Variants in CNNM2 observed in about 807,000 individuals in gnomAD.
CNNM2 encodes cyclin and CBS domain divalent metal cation transport mediator 2, also known as metal transporter CNNM2.
In CNNM2, 12 loss-of-function variants were observed where a neutral mutation model predicts 66.9. That is an observed-to-expected ratio of 0.18 (90% confidence interval 0.11 to 0.29). CNNM2 has a LOEUF of 0.29. Ranked by LOEUF, CNNM2 falls within the 10% of genes least tolerant of loss-of-function variation. The pLI is 1.00. For missense variants in CNNM2, 705 were observed against 1,167.7 expected (o/e 0.60, Z 5.77); for synonymous variants, 557 against 501.8 (o/e 1.11, Z -1.47).
chr10:103,074,749 C>A (rs919950098), intron 6 of CNNM2, among the ~76,000 whole-genome samples: 7 of 152,006 alleles, frequency 4.6e-5, no homozygotes, highest in South Asian at 2.1e-4. Context: ...TAGGAGGATC[C>A]CCTGAGCCCA....
At position 103,089,876 on chromosome 10, in the gene CNNM2, G is replaced by A. The variant is rs932084884; in HGVS notation, c.*12696G>A. 11 of 1,612,186 alleles carry A rather than the reference G, an allele frequency of 6.8e-6. No individual in the cohort carries two copies. Among genetic ancestry groups the A allele is most frequent in the Middle Eastern group, 1.7e-4 (1 of 6,046 alleles). ...GAGACTCCATCTCATTGATATCTACGTGTGTGTGCTCCACCGTTGATTCAT... is the reference window on the plus strand; with the variant it reads ...GAGACTCCATCTCATTGATATCTACATGTGTGTGCTCCACCGTTGATTCAT... On this transcript the variant is annotated 3_prime_UTR_variant, in exon 8 of 8. Transcript: ENST00000369878.
At position 103,083,147 on chromosome 10, in the gene CNNM2, A is replaced by AT. The variant is rs1314489896; in HGVS notation, c.*5970dup. On this transcript the variant is annotated 3_prime_UTR_variant, in exon 8 of 8. Transcript: ENST00000369878. The stretch of plus-strand genomic sequence containing the variant: ...CTGTATCATAGTGTACAGGTCATGC[A>AT]TTTGAGCAGTGAAGTTTTCTGAACA... The AT allele has an allele frequency of 1.3e-5, 2 of 152,186 alleles. No individual in the cohort carries two copies. The highest frequency in any genetic ancestry group is 4.8e-5 in the African/African-American group (2 of 41,426). 9.4% of individuals were successfully genotyped at this position (152,186 alleles called of 1,614,324 possible). A position where few individuals can be genotyped will look rare whatever the true frequency, so the allele number is the denominator to read the frequency against.
intron 1 of CNNM2, among the ~76,000 whole-genome samples, chr10:102,942,206 C>G (rs1336779636): frequency 2.6e-5 from 4 of 152,146 alleles, no homozygotes; most frequent in Non-Finnish European, 5.9e-5. Context: ...ACCATTTTAA[C>G]CATCTCAAGT....
chr10:103,074,082 GTTCAAGACCAGC>G (rs1270592880), intron 6 of CNNM2, among the ~76,000 whole-genome samples: 1 of 152,020 alleles, frequency 6.6e-6, no homozygotes, highest in East Asian at 1.9e-4. Context: ...GAGGTCAGGA[GTTCAAGACCAGC>G]TTAGTCAACA....
chr10:102,928,928 G>A (rs960668035), intron 1 of CNNM2, among the ~76,000 whole-genome samples: 1 of 152,158 alleles, frequency 6.6e-6, no homozygotes, highest in African/African-American at 2.4e-5. Context: ...ACATTTTAGC[G>A]TGTGTCCTTA....
At position 103,029,675 on chromosome 10, in the gene CNNM2, A is replaced by G. The variant is rs1382135905; in HGVS notation, c.1622-20032A>G. Among the ~76,000 whole-genome samples, 4 of 151,870 alleles carry G rather than the reference A, an allele frequency of 2.6e-5. No individual in the cohort carries two copies. The highest frequency in any genetic ancestry group is 7.3e-5 in the African/African-American group (3 of 41,340). On this transcript the variant is annotated intron_variant, in intron 1 of 7. Transcript: ENST00000369878. ...TCAGGAGATAGAGACCAGCCTGGCT[A>G]ACACGATGAAACCCCGTCTCTACTA...
Position 102,921,290 on chromosome 10 carries a change from C to T in CNNM2, c.1621+1189C>T, listed in dbSNP as rs570405539. On this transcript the variant is annotated intron_variant, in intron 1 of 7. Coordinates refer to ENST00000369878, the MANE Select transcript of CNNM2 (RefSeq NM_017649.5). ...TGATAGTCCTCAAAACCAAGTTTCC[C>T]TTCTTCAAATAGAATTTTGATCACT... Among the ~76,000 whole-genome samples the T allele has an allele frequency of 1.6e-3, 244 of 152,252 alleles. 5 individuals are homozygous for T. The South Asian group carries it at 0.048, about 30-fold the overall frequency.
chr10:102,933,843 G>C (rs759600254), intron 1 of CNNM2, among the ~76,000 whole-genome samples: 28 of 151,976 alleles, frequency 1.8e-4, no homozygotes, highest in Admixed American at 2.6e-4. Context: ...CTGTGTTTTT[G>C]TTTGTATTTG....
At chr10:103,032,114 C>T (rs1485154425) in intron 1 of CNNM2, among the ~76,000 whole-genome samples, 21 of 152,120 alleles carry the variant, frequency 1.4e-4, no homozygotes. Flanking sequence ...CCCTATTCCC[C>T]TTGATCCCTG....
At chr10:103,061,995 G>C (rs185259173) in intron 4 of CNNM2, among the ~76,000 whole-genome samples, 12 of 152,230 alleles carry the variant, frequency 7.9e-5, no homozygotes, top group Admixed American at 2.0e-4. Flanking sequence ...AAAAGAAAAA[G>C]TACAATAAAT....
chr10:103,017,647 G>C (rs982284961), intron 1 of CNNM2, among the ~76,000 whole-genome samples: 8 of 152,132 alleles, frequency 5.3e-5, no homozygotes, highest in African/African-American at 1.9e-4. Flanking sequence ...GACTGTGTTT[G>C]ATAAACAGCA....
rs4917989 is a variant in CNNM2, at chr10:103,000,246, T to C, written c.1622-49461T>C. 0.072 allele frequency among the ~76,000 whole-genome samples: 4,573 copies of C among 63,624 alleles called. 202 individuals carry two copies. The highest frequency in any genetic ancestry group is 0.22 in the Admixed American group (1,793 of 8,300). 41.7% of individuals were successfully genotyped at this position (63,624 alleles called of 152,430 possible). A position where few individuals can be genotyped will look rare whatever the true frequency, so the allele number is the denominator to read the frequency against. On this transcript the variant is annotated intron_variant, in intron 1 of 7. Coordinates refer to ENST00000369878, the MANE Select transcript of CNNM2 (RefSeq NM_017649.5). ...AGCGAAACTCCGTCTCAAAAACAAA[T>C]AAATAAATAAATAAATAAATAAATA...
rs1292182903 is a variant in CNNM2 at position 103,083,263 on chromosome 10, T to A, written c.*6083T>A. ...TGTCTTAATGAATGCATTTTATAAT[T>A]CAAATGATGTAGATGTACAGTCTCT... On this transcript the variant is annotated 3_prime_UTR_variant, in exon 8 of 8. Coordinates refer to ENST00000369878, the MANE Select transcript of CNNM2 (RefSeq NM_017649.5). The A allele has an allele frequency of 6.6e-6, 1 of 152,248 alleles. No homozygotes were observed. The highest frequency in any genetic ancestry group is 1.9e-4 in the East Asian group (1 of 5,206). 9.4% of individuals were successfully genotyped at this position (152,248 alleles called of 1,614,324 possible).
At chr10:103,029,067 C>T (rs1369812580) in intron 1 of CNNM2, among the ~76,000 whole-genome samples, 1 of 151,784 alleles carries the variant, frequency 6.6e-6, no homozygotes, top group Non-Finnish European at 1.5e-5. Context: ...AATGATCCAC[C>T]CGCCTCGGCC....
At position 103,079,224 on chromosome 10, in the gene CNNM2, T is replaced by C. The variant is rs980028548; in HGVS notation, c.*2044T>C. The C allele has an allele frequency of 6.6e-6, 1 of 151,828 alleles. No individual in the cohort carries two copies. The highest frequency in any genetic ancestry group is 1.5e-5 in the Non-Finnish European group (1 of 67,978). 9.4% of individuals were successfully genotyped at this position (151,828 alleles called of 1,614,324 possible). On this transcript the variant is annotated 3_prime_UTR_variant, in exon 8 of 8. Transcript: ENST00000369878. ...CTGAGCACAACACCAGTGTGATGAG[T>C]GTATAAAGATGAGGGGTCCTTGCAA...
intron 1 of CNNM2, among the ~76,000 whole-genome samples, chr10:103,017,989 C>T (rs1036538535): frequency 5.5e-5 from 6 of 108,158 alleles, no homozygotes; most frequent in African/African-American, 1.4e-4. Context: ...AAAGGCAAGC[C>T]GCCAGGCCAA....
intron 1 of CNNM2, among the ~76,000 whole-genome samples, chr10:102,928,137 A>C (rs1845939738): frequency 6.6e-6 from 1 of 152,222 alleles, no homozygotes; most frequent in Non-Finnish European, 1.5e-5. Flanking sequence ...AGTAAGAATT[A>C]TTGTACTAAT....
chr10:102,995,133 C>A (rs1434472918), intron 1 of CNNM2, among the ~76,000 whole-genome samples: 1 of 149,148 alleles, frequency 6.7e-6, no homozygotes, highest in Non-Finnish European at 1.5e-5. Context: ...GGGTTTTCTT[C>A]TTCTTATTCT....
chr10:102,979,798 A>T (rs201028310), intron 1 of CNNM2, among the ~76,000 whole-genome samples: 1 of 4,926 alleles, frequency 2.0e-4, no homozygotes, highest in East Asian at 0.01. Context: ...CTTAATTTTA[A>T]TTTTTATTAA....
Sources: gnomAD v4.1 joint callset for allele counts (sites outside exome capture counted in the v4.1 genomes callset) on GRCh38, gnomAD v4.1.1 for gene constraint, MANE v1.5 for transcripts, NCBI Gene and HGNC (gene_info 2026-07-23, HGNC 2026-07-21) for gene names.